Variants in SORCS2 observed in about 807,000 individuals in gnomAD.
The protein encoded by SORCS2 is VPS10 domain-containing receptor SorCS2.
SORCS2 carries 100 observed loss-of-function variants against 141.6 expected under a neutral mutation model. That is an observed-to-expected ratio of 0.71 (90% CI 0.60 to 0.83). The LOEUF (loss-of-function observed/expected upper bound fraction) is 0.83, where lower values mean the gene tolerates loss of function less well. SORCS2 is among the 40% of genes least tolerant of loss of function. The probability of loss-of-function intolerance (pLI) is 0.00; values close to 1 mark genes in which losing one functional copy is unlikely to be tolerated. For synonymous variants in SORCS2, 789 were observed against 676.9 expected (o/e 1.17, Z -2.57); for missense variants, 1,646 against 1,560.2 (o/e 1.05, Z -0.93).
At chr4:7,681,763 T>G (rs1046174978) in intron 9 of SORCS2, among the ~76,000 whole-genome samples, 1 of 152,222 alleles carries the variant, frequency 6.6e-6, no homozygotes, top group Non-Finnish European at 1.5e-5. Context: ...TTAAGCTCAG[T>G]GCCTGTAACA....
intron 2 of SORCS2, among the ~76,000 whole-genome samples, chr4:7,488,615 C>G (rs117693751): frequency 6.6e-6 from 1 of 152,332 alleles, no homozygotes; most frequent in East Asian, 1.9e-4. Context: ...CCTCCTTCCA[C>G]TCACCAGGAC....
intron 1 of SORCS2, among the ~76,000 whole-genome samples, chr4:7,249,584 C>G (rs922827734): frequency 3.9e-5 from 6 of 152,146 alleles, no homozygotes; most frequent in Non-Finnish European, 5.9e-5. Flanking sequence ...GGCGCCAGGT[C>G]CTTGTCTAGG....
At chr4:7,723,662 C>T (rs745468517) in intron 18 of SORCS2, 35 bp from the exon 19 acceptor site, 2 of 1,610,560 alleles carry the variant, frequency 1.2e-6, no homozygotes, top group Non-Finnish European at 1.7e-6. Context: ...GCTTCAAGGC[C>T]CACTCCTGAG....
At chr4:7,431,447 C>T (rs1726847490) in intron 2 of SORCS2, 3 of 152,350 alleles carry the variant, frequency 2.0e-5, no homozygotes, top group Admixed American at 6.5e-5. Context: ...GGCATCCTCC[C>T]GACTCACAGC....
At chr4:7,380,396 A>G (rs990511654) in intron 1 of SORCS2, among the ~76,000 whole-genome samples, 11 of 152,268 alleles carry the variant, frequency 7.2e-5, no homozygotes, top group Non-Finnish European at 1.5e-4. Context: ...TGCACTGGAC[A>G]GGTAGCGAGC....
chr4:7,575,600 A>C (rs1440492830), intron 3 of SORCS2, among the ~76,000 whole-genome samples: 2 of 152,226 alleles, frequency 1.3e-5, no homozygotes, highest in Non-Finnish European at 2.9e-5. Context: ...GCCAAGTATC[A>C]GTTTTTAAAA....
intron 2 of SORCS2, among the ~76,000 whole-genome samples, chr4:7,422,769 C>T (rs984805741): frequency 3.3e-5 from 5 of 152,190 alleles, no homozygotes; most frequent in South Asian, 4.1e-4. Context: ...GGTCTCCCTG[C>T]GCCTGCCCTT....
chr4:7,396,429 G>A (rs1247088407), intron 2 of SORCS2, 74 bp downstream of exon 2: 11 of 1,509,804 alleles, frequency 7.3e-6, no homozygotes, highest in Admixed American at 3.6e-5. Flanking sequence ...GCTGAGGACC[G>A]AGATCCAAAC....
intron 1 of SORCS2, among the ~76,000 whole-genome samples, chr4:7,374,113 TTCTTTCTTTCTTTCCC>T (rs763891410): frequency 0.34 from 20,464 of 60,218 alleles, 2,095 homozygotes; most frequent in East Asian, 0.52. Flanking sequence ...TTGAGATTCT[TTCTTTCTTTCTTTCCC>T]TCTTTCTTTC....
rs561012907 is a variant in SORCS2 at position 7,360,038 on chromosome 4, T to C, written c.481-36250T>C. 3.3e-5 allele frequency among the ~76,000 whole-genome samples: 5 copies of C among 152,214 alleles called. No homozygotes were observed. In the East Asian group the frequency reaches 7.7e-4, roughly 23 times the overall value. ...CGGTAGCAGCCATGCCCTAAAACAATTACATGCATTATTTTAATGAATCCT... is the reference window on the plus strand; with the variant it reads ...CGGTAGCAGCCATGCCCTAAAACAACTACATGCATTATTTTAATGAATCCT... On this transcript the variant is annotated intron_variant, in intron 1 of 26. Transcript: ENST00000507866.
intron 2 of SORCS2, among the ~76,000 whole-genome samples, chr4:7,453,193 GCTCCGTGTTGGGGT>G: frequency 7.3e-6 from 1 of 137,308 alleles, no homozygotes; most frequent in South Asian, 2.6e-4. Context: ...TTGGGGTCAG[GCTCCGTGTTGGGGT>G]CAGGCGCTGT....
intron 2 of SORCS2, among the ~76,000 whole-genome samples, chr4:7,420,255 C>T (rs1204058640): frequency 6.6e-6 from 1 of 152,242 alleles, no homozygotes; most frequent in African/African-American, 2.4e-5. Flanking sequence ...AGTCAGCAGA[C>T]TTGAGTGTCA....
At chr4:7,247,517 A>C (rs1333716653) in intron 1 of SORCS2, among the ~76,000 whole-genome samples, 1 of 152,212 alleles carries the variant, frequency 6.6e-6, no homozygotes, top group Admixed American at 6.5e-5. Flanking sequence ...CGGCATCGTA[A>C]AACAAAGCAA....
At chr4:7,671,857 T>C (rs1430289870) in intron 8 of SORCS2, among the ~76,000 whole-genome samples, 1 of 151,710 alleles carries the variant, frequency 6.6e-6, no homozygotes, top group East Asian at 1.9e-4. Context: ...AATATAAGTA[T>C]CTAAAATTTC....
chr4:7,559,992 A>G (rs1221352734), intron 3 of SORCS2, among the ~76,000 whole-genome samples: 1 of 152,144 alleles, frequency 6.6e-6, no homozygotes, highest in Non-Finnish European at 1.5e-5. Context: ...ACTGTCCTTT[A>G]GATGTGTGCC....
intron 6 of SORCS2, among the ~76,000 whole-genome samples, chr4:7,662,305 G>C (rs1377315996): frequency 6.7e-6 from 1 of 149,628 alleles, no homozygotes; most frequent in African/African-American, 2.5e-5. Context: ...GATAACCAGG[G>C]CAACAGCTCA....
chr4:7,697,057 G>A, intron 11 of SORCS2, 141 bp from the exon 12 acceptor site: 1 of 663,678 alleles, frequency 1.5e-6, no homozygotes, highest in South Asian at 1.9e-5. Flanking sequence ...CCCCAGCGCA[G>A]CAGCCACAGC....
intron 1 of SORCS2, among the ~76,000 whole-genome samples, chr4:7,237,821 C>G (rs1248081196): frequency 6.6e-6 from 1 of 151,908 alleles, no homozygotes; most frequent in Admixed American, 6.6e-5. Flanking sequence ...TCGTTTTCTC[C>G]TTCTGCTTGA....
chr4:7,598,853 A>C (rs1717461404), intron 3 of SORCS2, among the ~76,000 whole-genome samples: 1 of 152,166 alleles, frequency 6.6e-6, no homozygotes, highest in South Asian at 2.1e-4. Flanking sequence ...GGCTGTGCTC[A>C]TGCTGAGCTC....
Sources: allele counts gnomAD v4.1 joint callset (sites outside exome capture counted in the v4.1 genomes callset), GRCh38; gene constraint gnomAD v4.1.1; transcripts MANE v1.5; gene names NCBI Gene and HGNC (gene_info 2026-07-23, HGNC 2026-07-21).